The following TMEM232 variants were observed in gnomAD, a reference collection of about 807,000 sequenced individuals.
TMEM232 encodes transmembrane protein 232.
In TMEM232, 80 loss-of-function variants were observed where a neutral mutation model predicts 78.8. The ratio of observed to expected loss-of-function variants is 1.01; its 90% CI spans 0.85 to 1.22. The LOEUF is 1.22. Among genes scored for constraint, TMEM232 ranks in the 50% most tolerant of loss-of-function variants. The probability of loss-of-function intolerance (pLI) is 0.00; values close to 1 mark genes in which losing one functional copy is unlikely to be tolerated. For missense variants in TMEM232, 881 were observed against 742.2 expected (o/e 1.19, Z -2.17); for synonymous variants, 297 against 254.3 (o/e 1.17, Z -1.60).
intron 12 of TMEM232, among the ~76,000 whole-genome samples, chr5:110,455,090 A>C (rs994415558): frequency 6.6e-6 from 1 of 152,148 alleles, no homozygotes; most frequent in Non-Finnish European, 1.5e-5. Context: ...ATAAACTACC[A>C]AAGTTTACTC....
intron 1 of TMEM232, among the ~76,000 whole-genome samples, chr5:110,705,769 T>C (rs1371513264): frequency 7.7e-6 from 1 of 130,464 alleles, no homozygotes; most frequent in Non-Finnish European, 1.7e-5. Flanking sequence ...TGTGCGTGTG[T>C]GTGTGTGTGT....
chr5:110,735,367 G>A (rs1390167044), intron 1 of TMEM232, among the ~76,000 whole-genome samples: 1 of 151,966 alleles, frequency 6.6e-6, no homozygotes, highest in African/African-American at 2.4e-5. Flanking sequence ...GCCCGTTGGG[G>A]GGTGGTTATA....
intron 1 of TMEM232, among the ~76,000 whole-genome samples, chr5:110,690,915 G>A (rs1422598291): frequency 1.3e-5 from 2 of 151,864 alleles, no homozygotes; most frequent in African/African-American, 2.4e-5. Context: ...ATAAGTGGGA[G>A]TTGAACAATG....
intron 8 of TMEM232, among the ~76,000 whole-genome samples, chr5:110,610,133 T>C (rs1782005095): frequency 6.7e-6 from 1 of 149,534 alleles, no homozygotes; most frequent in Non-Finnish European, 1.5e-5. Context: ...CAGAGAAAAG[T>C]CTTTCATAAT....
At chr5:110,650,163 A>T (rs1211618047) in intron 2 of TMEM232, among the ~76,000 whole-genome samples, 2 of 151,982 alleles carry the variant, frequency 1.3e-5, no homozygotes, top group Admixed American at 1.3e-4. Context: ...TGTTATGATA[A>T]CTTTAGTCAT....
chr5:110,626,864 C>T (rs1580412583), intron 6 of TMEM232, among the ~76,000 whole-genome samples: 1 of 151,952 alleles, frequency 6.6e-6, no homozygotes, highest in Non-Finnish European at 1.5e-5. Flanking sequence ...TAATCACTTC[C>T]TCTTACCTCC....
chr5:110,389,655 G>T (rs1755110347), intron 4 of TMEM232, among the ~76,000 whole-genome samples: 1 of 152,170 alleles, frequency 6.6e-6, no homozygotes, highest in East Asian at 1.9e-4. Context: ...GCACGACCTT[G>T]CATTAGAATA....
chr5:110,700,957 C>T (rs772734675), intron 1 of TMEM232, among the ~76,000 whole-genome samples: 1 of 151,888 alleles, frequency 6.6e-6, no homozygotes, highest in African/African-American at 2.4e-5. Context: ...ATCTAATCAA[C>T]CAATGACACT....
intron 12 of TMEM232, among the ~76,000 whole-genome samples, chr5:110,467,788 A>G (rs796268708): frequency 1.6e-4 from 25 of 152,354 alleles, no homozygotes; most frequent in African/African-American, 5.3e-4. Context: ...CTAGAATTCC[A>G]TGATCAATGT....
At chr5:110,428,171 A>G (rs1757448702) in intron 12 of TMEM232, among the ~76,000 whole-genome samples, 2 of 150,938 alleles carry the variant, frequency 1.3e-5, no homozygotes, top group African/African-American at 4.9e-5. Context: ...TAACAATCCT[A>G]CTCTCTATGT....
intron 1 of TMEM232, among the ~76,000 whole-genome samples, chr5:110,686,938 C>T (rs1288790787): frequency 6.6e-6 from 1 of 152,154 alleles, no homozygotes; most frequent in East Asian, 1.9e-4. Flanking sequence ...CATGTAGCAT[C>T]ACATCACTGG....
rs192447416 is a variant in TMEM232 at position 110,682,471 on chromosome 5, A to C, written c.-12-15107T>G. Among the ~76,000 whole-genome samples, 709 of 152,206 alleles carry C rather than the reference A, an allele frequency of 4.7e-3. 3 individuals carry two copies. The highest frequency in any genetic ancestry group is 8.1e-3 in the Non-Finnish European group (552 of 68,020). ...CTCTAATGTTCTTGGCTTATAAAGCATCCCACTGTGGAAGATGGTCTAAAG... is the reference window on the plus strand; with the variant it reads ...CTCTAATGTTCTTGGCTTATAAAGCCTCCCACTGTGGAAGATGGTCTAAAG... On this transcript the variant is annotated intron_variant, in intron 1 of 13. Transcript: ENST00000455884.
intron 12 of TMEM232, among the ~76,000 whole-genome samples, chr5:110,446,544 A>ATTCT (rs113099597): frequency 0.018 from 2,805 of 152,202 alleles, 98 homozygotes; most frequent in African/African-American, 0.065. Context: ...AAGAGACCAC[A>ATTCT]TTCTTTTTCC....
intron 8 of TMEM232, among the ~76,000 whole-genome samples, chr5:110,608,865 G>GA (rs1262058705): frequency 6.6e-6 from 1 of 152,032 alleles, no homozygotes; most frequent in Non-Finnish European, 1.5e-5. Flanking sequence ...TTATAATTCA[G>GA]AAAGTCTCAA....
At chr5:110,445,908 A>G (rs145109521) in intron 12 of TMEM232, among the ~76,000 whole-genome samples, 2 of 152,240 alleles carry the variant, frequency 1.3e-5, no homozygotes, top group East Asian at 3.9e-4. Flanking sequence ...ATCTTTTTGC[A>G]ACCTAGCTTT....
intron 2 of TMEM232, among the ~76,000 whole-genome samples, chr5:110,403,339 T>C (rs1755673126): frequency 6.6e-6 from 1 of 152,108 alleles, no homozygotes; most frequent in African/African-American, 2.4e-5. Flanking sequence ...ACCATCACTC[T>C]CAGCTAGATA....
intron 1 of TMEM232, among the ~76,000 whole-genome samples, chr5:110,687,167 ACCCATTATC>A (rs1793521060): frequency 2.0e-5 from 3 of 152,084 alleles, no homozygotes; most frequent in African/African-American, 7.2e-5. Flanking sequence ...GTGCTGCCTC[ACCCATTATC>A]TTCATGTTCT....
At chr5:110,568,755 G>C in intron 10 of TMEM232, 130 bp from the exon 11 acceptor site, 2 of 959,180 alleles carry the variant, frequency 2.1e-6, no homozygotes, top group Non-Finnish European at 2.9e-6. Context: ...ATTCTAAGCT[G>C]TGGAAATTTC....
chr5:110,738,345 G>C, upstream of TMEM232: 4 of 871,630 alleles, frequency 4.6e-6, no homozygotes, highest in Non-Finnish European at 5.9e-6. Flanking sequence ...GAGTGATTTA[G>C]ACACATCAGA....
Sources: allele counts gnomAD v4.1 joint callset (sites outside exome capture counted in the v4.1 genomes callset), GRCh38; gene constraint gnomAD v4.1.1; transcripts MANE v1.5; gene names NCBI Gene and HGNC (gene_info 2026-07-23, HGNC 2026-07-21).